The following BMERB1 variants were observed in gnomAD, a reference collection of about 807,000 sequenced individuals.
BMERB1 encodes the protein bMERB domain containing 1, also known as bMERB domain-containing protein 1.
A neutral mutation model predicts 23.6 loss-of-function variants in BMERB1; 12 were observed. That is an observed-to-expected ratio of 0.51 (90% CI 0.33 to 0.82). BMERB1 has a LOEUF of 0.82. Ranked by LOEUF, BMERB1 falls within the 40% of genes least tolerant of loss-of-function variation. The probability of loss-of-function intolerance (pLI) is 0.03; values close to 1 mark genes in which losing one functional copy is unlikely to be tolerated. For missense variants in BMERB1, 247 were observed against 255.4 expected (o/e 0.97, Z 0.22); for synonymous variants, 122 against 96.6 (o/e 1.26, Z -1.54).
At chr16:15,441,121 G>T (rs891605627) in intron 1 of BMERB1, among the ~76,000 whole-genome samples, 1 of 152,172 alleles carries the variant, frequency 6.6e-6, no homozygotes, top group East Asian at 1.9e-4. Context: ...TTTAGGTTGT[G>T]ATTAAAACAA....
At chr16:15,451,620 G>A (rs2051042842) in intron 1 of BMERB1, among the ~76,000 whole-genome samples, 1 of 139,884 alleles carries the variant, frequency 7.1e-6, no homozygotes. Flanking sequence ...GTGCAGTGGT[G>A]CAATCATGGC....
chr16:15,547,823 G>C (rs1172417072), intron 2 of BMERB1, among the ~76,000 whole-genome samples: 4 of 152,168 alleles, frequency 2.6e-5, no homozygotes, highest in Non-Finnish European at 5.9e-5. Context: ...CCATTGACTA[G>C]CTGTGTGATT....
intron 2 of BMERB1, among the ~76,000 whole-genome samples, chr16:15,544,392 G>C (rs1040369671): frequency 1.3e-5 from 2 of 152,180 alleles, no homozygotes; most frequent in African/African-American, 4.8e-5. Flanking sequence ...CCATAATTTA[G>C]TTCACTGGGC....
intron 3 of BMERB1, among the ~76,000 whole-genome samples, chr16:15,574,898 C>T (rs1040847452): frequency 6.6e-6 from 1 of 152,134 alleles, no homozygotes; most frequent in African/African-American, 2.4e-5. Flanking sequence ...GCCAACATGG[C>T]GAGACCCCCG....
chr16:15,541,088 G>A (rs963184647), intron 2 of BMERB1, among the ~76,000 whole-genome samples: 1 of 151,956 alleles, frequency 6.6e-6, no homozygotes, highest in Non-Finnish European at 1.5e-5. Flanking sequence ...CAAACTTGGG[G>A]GTTCCCACGA....
chr16:15,516,814 T>C (rs535009281), intron 2 of BMERB1, among the ~76,000 whole-genome samples: 1 of 152,306 alleles, frequency 6.6e-6, no homozygotes, highest in Non-Finnish European at 1.5e-5. Context: ...GACTCAGCTC[T>C]TTCTGCTTTT....
intron 1 of BMERB1, among the ~76,000 whole-genome samples, chr16:15,439,634 A>G (rs2050921412): frequency 6.6e-6 from 1 of 152,128 alleles, no homozygotes; most frequent in Admixed American, 6.6e-5. Context: ...GAAAGGTTCA[A>G]AGTAATTGCT....
At chr16:15,493,150 C>G (rs1414953166) in intron 1 of BMERB1, among the ~76,000 whole-genome samples, 1 of 152,036 alleles carries the variant, frequency 6.6e-6, no homozygotes, top group Non-Finnish European at 1.5e-5. Context: ...TTCAGGAGTT[C>G]AAGACCAGCC....
intron 2 of BMERB1, among the ~76,000 whole-genome samples, chr16:15,518,554 G>C (rs2051805022): frequency 6.6e-6 from 1 of 152,176 alleles, no homozygotes; most frequent in East Asian, 1.9e-4. Context: ...CAGCCCTCCA[G>C]GCCAACAGGC....
intron 2 of BMERB1, among the ~76,000 whole-genome samples, chr16:15,526,995 A>G (rs2051914934): frequency 6.7e-6 from 1 of 148,724 alleles, no homozygotes; most frequent in South Asian, 2.1e-4. Context: ...TATATTTTAT[A>G]TAAATTTTAC....
intron 1 of BMERB1, among the ~76,000 whole-genome samples, chr16:15,440,389 C>G (rs2050929920): frequency 6.6e-6 from 1 of 151,448 alleles, no homozygotes; most frequent in African/African-American, 2.4e-5. Flanking sequence ...TTTAAAAGTT[C>G]AAAGTTGTGT....
At chr16:15,493,566 G>A (rs1282934403) in intron 1 of BMERB1, among the ~76,000 whole-genome samples, 2 of 152,006 alleles carry the variant, frequency 1.3e-5, no homozygotes, top group Non-Finnish European at 2.9e-5. Flanking sequence ...AGTCCGACAT[G>A]AATGCTTCCA....
intron 1 of BMERB1, among the ~76,000 whole-genome samples, chr16:15,505,116 A>G (rs2051573236): frequency 6.6e-6 from 1 of 152,186 alleles, no homozygotes; most frequent in South Asian, 2.1e-4. Flanking sequence ...GGACCCTGGG[A>G]ACCACATCTT....
chr16:15,579,482 T>C (rs528074607), intron 3 of BMERB1, among the ~76,000 whole-genome samples: 3 of 152,256 alleles, frequency 2.0e-5, no homozygotes, highest in African/African-American at 7.2e-5. Context: ...ATCCAAATAT[T>C]ATGTTCTCCT....
chr16:15,572,072 AC>A (rs2030742807), intron 3 of BMERB1, among the ~76,000 whole-genome samples: 1 of 152,166 alleles, frequency 6.6e-6, no homozygotes, highest in Admixed American at 6.5e-5. Flanking sequence ...CTTCTCAGAC[AC>A]TTTGCAGCTT....
At chr16:15,446,516 A>G (rs1470555278) in intron 1 of BMERB1, among the ~76,000 whole-genome samples, 2 of 152,224 alleles carry the variant, frequency 1.3e-5, no homozygotes, top group Non-Finnish European at 2.9e-5. Context: ...GATGAGACAC[A>G]ATATAGCCAT....
intron 1 of BMERB1, among the ~76,000 whole-genome samples, chr16:15,480,134 A>G (rs1303293483): frequency 1.3e-5 from 2 of 149,648 alleles, no homozygotes; most frequent in African/African-American, 4.9e-5. Flanking sequence ...TTTTTTGGAG[A>G]TGGAGTCTCA....
intron 1 of BMERB1, among the ~76,000 whole-genome samples, chr16:15,474,160 T>C (rs1179973084): frequency 4.0e-5 from 6 of 151,602 alleles, no homozygotes; most frequent in Non-Finnish European, 1.5e-5. Context: ...TCTGAATCCA[T>C]TCAAGATTTT....
At chr16:15,502,309 C>T (rs759302527) in intron 1 of BMERB1, 14 of 1,551,178 alleles carry the variant, frequency 9.0e-6, no homozygotes, top group African/African-American at 6.9e-5. Flanking sequence ...TTTCCTCAGC[C>T]GCAAATTCTT....
Sources: allele counts gnomAD v4.1 joint callset (sites outside exome capture counted in the v4.1 genomes callset), GRCh38; gene constraint gnomAD v4.1.1; transcripts MANE v1.5; gene names NCBI Gene and HGNC (gene_info 2026-07-23, HGNC 2026-07-21).